The following SND1 variants were observed in gnomAD, a reference collection of about 807,000 sequenced individuals.
The protein encoded by SND1 is staphylococcal nuclease and tudor domain containing 1.
In SND1, 38 loss-of-function variants were observed where a neutral mutation model predicts 121.7. That is an observed-to-expected ratio of 0.31 (90% CI 0.24 to 0.41). The LOEUF is 0.41. Among genes scored for constraint, SND1 ranks in the 10% least tolerant of loss-of-function variants. The pLI is 1.00. For missense variants in SND1, 868 were observed against 1,184.6 expected, an observed-to-expected ratio of 0.73 and a Z score of 3.92; for synonymous variants, 401 against 447.4, an observed-to-expected ratio of 0.90 and a Z score of 1.31.
At chr7:127,912,463 G>A (rs1167376045) in intron 14 of SND1, among the ~76,000 whole-genome samples, 2 of 152,136 alleles carry the variant, frequency 1.3e-5, no homozygotes, top group Non-Finnish European at 2.9e-5. Flanking sequence ...ATGTAGAAAT[G>A]TAGTCCTGAA....
intron 10 of SND1, among the ~76,000 whole-genome samples, chr7:127,723,775 ATTTG>A (rs1189980334): frequency 6.6e-6 from 1 of 152,256 alleles, no homozygotes; most frequent in Non-Finnish European, 1.5e-5. Flanking sequence ...TGTGAGCTCT[ATTTG>A]TTATTTTAAA....
At chr7:127,772,612 A>C (rs952636999) in intron 10 of SND1, among the ~76,000 whole-genome samples, 2 of 152,248 alleles carry the variant, frequency 1.3e-5, no homozygotes, top group Non-Finnish European at 2.9e-5. Context: ...CTGTGCTGCC[A>C]CAATGCAGAA....
intron 12 of SND1, among the ~76,000 whole-genome samples, chr7:127,851,017 A>G (rs1228309411): frequency 6.6e-6 from 1 of 152,170 alleles, no homozygotes; most frequent in Non-Finnish European, 1.5e-5. Context: ...TTGTTCAGAT[A>G]TTTCGTGGCT....
At chr7:127,755,695 A>G (rs948642209) in intron 10 of SND1, among the ~76,000 whole-genome samples, 2 of 152,190 alleles carry the variant, frequency 1.3e-5, no homozygotes, top group African/African-American at 4.8e-5. Flanking sequence ...GTCTAATTTG[A>G]TGTGGTGACT....
chr7:127,949,533 T>C (rs542772936), intron 15 of SND1, among the ~76,000 whole-genome samples: 257 of 152,348 alleles, frequency 1.7e-3, no homozygotes, highest in Non-Finnish European at 3.2e-3. Flanking sequence ...AAAAACTGTG[T>C]GGGTTTCTTT....
At chr7:127,955,834 T>C (rs1801579667) in intron 15 of SND1, among the ~76,000 whole-genome samples, 1 of 152,128 alleles carries the variant, frequency 6.6e-6, no homozygotes, top group Non-Finnish European at 1.5e-5. Flanking sequence ...GCTTATAACT[T>C]CTCATCAGTT....
chr7:127,865,915 CT>C (rs57998727), intron 12 of SND1, among the ~76,000 whole-genome samples: 39,247 of 143,154 alleles, frequency 0.27, 6,962 homozygotes, highest in African/African-American at 0.53. Context: ...TTTATTTCTC[CT>C]TTTTTTTTTT....
intron 13 of SND1, among the ~76,000 whole-genome samples, chr7:127,893,460 A>T (rs946140451): frequency 7.9e-5 from 12 of 152,142 alleles, no homozygotes; most frequent in African/African-American, 2.7e-4. Context: ...CACAGAAGTT[A>T]TGTTAGTTCA....
At chr7:128,053,362 C>A (rs1359805103) in intron 16 of SND1, among the ~76,000 whole-genome samples, 1 of 152,182 alleles carries the variant, frequency 6.6e-6, no homozygotes, top group Non-Finnish European at 1.5e-5. Context: ...GCTTTGGGCA[C>A]TTAAGTGGAG....
chr7:127,735,692 T>C (rs1013146624), intron 10 of SND1, among the ~76,000 whole-genome samples: 8 of 152,206 alleles, frequency 5.3e-5, no homozygotes, highest in Admixed American at 2.6e-4. Flanking sequence ...AGTGGCACGA[T>C]CTTGGCTCAC....
At chr7:127,934,364 G>C (rs1801013072) in intron 15 of SND1, among the ~76,000 whole-genome samples, 1 of 152,186 alleles carries the variant, frequency 6.6e-6, no homozygotes, top group African/African-American at 2.4e-5. Context: ...TTCTCTTTCA[G>C]ATTATGCAGT....
intron 10 of SND1, among the ~76,000 whole-genome samples, chr7:127,773,572 A>C (rs755370593): frequency 2.0e-5 from 3 of 151,064 alleles, no homozygotes; most frequent in African/African-American, 7.3e-5. Flanking sequence ...TATTTTTTGC[A>C]TTTTGTCAGC....
chr7:127,780,455 C>T (rs1044400196), intron 10 of SND1, among the ~76,000 whole-genome samples: 2 of 152,120 alleles, frequency 1.3e-5, no homozygotes, highest in African/African-American at 4.8e-5. Flanking sequence ...GTCCAGTGTC[C>T]TGATATTACA....
intron 13 of SND1, among the ~76,000 whole-genome samples, chr7:127,904,004 T>C (rs1007073883): frequency 6.6e-6 from 1 of 152,190 alleles, no homozygotes; most frequent in South Asian, 2.1e-4. Flanking sequence ...ACAGACCAAG[T>C]AATTCACCAG....
At chr7:128,020,973 C>G (rs1803337406) in intron 16 of SND1, among the ~76,000 whole-genome samples, 1 of 152,180 alleles carries the variant, frequency 6.6e-6, no homozygotes, top group African/African-American at 2.4e-5. Context: ...TCTGCATCCC[C>G]TCTCCTCATT....
chr7:127,752,569 A>G (rs928296430), intron 10 of SND1, among the ~76,000 whole-genome samples: 1 of 152,192 alleles, frequency 6.6e-6, no homozygotes, highest in African/African-American at 2.4e-5. Flanking sequence ...AGTATAATGC[A>G]GGGGCCAGGA....
intron 16 of SND1, among the ~76,000 whole-genome samples, chr7:128,035,134 G>T (rs1792724282): frequency 6.6e-6 from 1 of 152,230 alleles, no homozygotes; most frequent in African/African-American, 2.4e-5. Context: ...TGAGCCCTGT[G>T]CTAAGATTGG....
chr7:127,867,640 C>T (rs149508652), intron 12 of SND1, among the ~76,000 whole-genome samples: 50 of 152,320 alleles, frequency 3.3e-4, no homozygotes, highest in Non-Finnish European at 5.0e-4. Flanking sequence ...TTCATCCTAT[C>T]CTGGCTCTCC....
intron 16 of SND1, chr7:128,031,899 A>G (rs1283249418): frequency 5.3e-5 from 8 of 150,666 alleles, no homozygotes; most frequent in Non-Finnish European, 8.9e-5. Context: ...GGACTGCTGC[A>G]GCGGCGTGAG....
Sources: gnomAD v4.1 joint callset for allele counts (sites outside exome capture counted in the v4.1 genomes callset) on GRCh38, gnomAD v4.1.1 for gene constraint, MANE v1.5 for transcripts, NCBI Gene and HGNC (gene_info 2026-07-23, HGNC 2026-07-21) for gene names.